The following TAF1B variants were observed in gnomAD, a reference collection of about 807,000 sequenced individuals.
TAF1B encodes TATA-box binding protein associated factor, RNA polymerase I subunit B, also known as TATA box-binding protein-associated factor RNA polymerase I subunit B.
Under a neutral mutation model 83.9 loss-of-function variants are expected in TAF1B, and 61 were observed. The ratio of observed to expected loss-of-function variants is 0.73; its 90% confidence interval spans 0.59 to 0.90. The LOEUF is 0.90. Ranked by LOEUF, TAF1B falls within the 40% of genes least tolerant of loss-of-function variation. The pLI is 0.00. For missense variants in TAF1B, 625 were observed against 677.0 expected, an observed-to-expected ratio of 0.92 and a Z score of 0.85; for synonymous variants, 221 against 224.6, an observed-to-expected ratio of 0.98 and a Z score of 0.14.
chr2:9,931,116 T>C (rs992796922), intron 14 of TAF1B, among the ~76,000 whole-genome samples: 4 of 152,330 alleles, frequency 2.6e-5, no homozygotes, highest in Admixed American at 2.6e-4. Context: ...CTTGACTCTT[T>C]ATCCAATTTG....
At chr2:9,904,409 C>T (rs1454124974) in intron 8 of TAF1B, among the ~76,000 whole-genome samples, 1 of 152,174 alleles carries the variant, frequency 6.6e-6, no homozygotes, top group Non-Finnish European at 1.5e-5. Context: ...CCTCCAGCTC[C>T]ATCCCTGTCA....
chr2:9,867,782 A>G (rs1420751883), intron 5 of TAF1B, among the ~76,000 whole-genome samples: 1 of 152,246 alleles, frequency 6.6e-6, no homozygotes, highest in African/African-American at 2.4e-5. Context: ...TATATGCTAC[A>G]GGAGTTCAAG....
At chr2:9,843,700 G>A in intron 1 of TAF1B, 141 bp downstream of exon 1, 1 of 986,412 alleles carries the variant, frequency 1.0e-6, no homozygotes, top group Non-Finnish European at 1.4e-6. Context: ...CTGCAGGGCG[G>A]GCTAAGGACT....
chr2:9,849,479 T>C lies in TAF1B; in HGVS notation c.205+19T>C, dbSNP rs1357260457. ...AATACTGGTAAGTTCTTTCTTCATA[T>C]GTACTTAACATTCTTTATTCACATC... On this transcript the variant is annotated intron_variant, in intron 3 of 14. Coordinates refer to ENST00000263663, the MANE Select transcript of TAF1B (RefSeq NM_005680.3). 19 of 1,484,660 alleles carry C rather than the reference T, an allele frequency of 1.3e-5. No individual in the cohort carries two copies. The highest frequency in any genetic ancestry group is 4.5e-6 in the Non-Finnish European group (5 of 1,105,496). 92.0% of individuals were successfully genotyped at this position (1,484,660 alleles called of 1,614,324 possible). A position where few individuals can be genotyped will look rare whatever the true frequency, so the allele number is the denominator to read the frequency against.
chr2:9,911,591 G>T (rs1383383641), intron 11 of TAF1B, 34 bp downstream of exon 11: 1 of 1,412,728 alleles, frequency 7.1e-7, no homozygotes, highest in South Asian at 1.4e-5. Flanking sequence ...AATTCAAAGT[G>T]GTTATAGATG....
chr2:9,932,592 C>G (rs1371630421), intron 14 of TAF1B, among the ~76,000 whole-genome samples: 1 of 152,184 alleles, frequency 6.6e-6, no homozygotes, highest in South Asian at 2.1e-4. Flanking sequence ...TCGGCCCTTA[C>G]TGGGAGGTGT....
chr2:9,846,053 A>G (rs1474964941), intron 2 of TAF1B: 1 of 470,866 alleles, frequency 2.1e-6, no homozygotes, highest in Admixed American at 2.4e-5. Context: ...TTACCTTTGT[A>G]TAGTACCTTA....
intron 9 of TAF1B, among the ~76,000 whole-genome samples, chr2:9,907,601 A>G (rs1429015332): frequency 1.3e-5 from 2 of 152,124 alleles, no homozygotes; most frequent in Non-Finnish European, 2.9e-5. Context: ...TTTGATGGCC[A>G]TGAATGAGCT....
At chr2:9,872,066 G>A (rs185874888) in intron 6 of TAF1B, among the ~76,000 whole-genome samples, 4 of 152,176 alleles carry the variant, frequency 2.6e-5, no homozygotes, top group East Asian at 1.9e-4. Flanking sequence ...GGTGGCTCAC[G>A]CCTGTAATCC....
chr2:9,904,836 T>C (rs755126344), intron 8 of TAF1B, 23 bp from the exon 9 acceptor site: 1 of 1,601,068 alleles, frequency 6.2e-7, no homozygotes. Flanking sequence ...ATTGCAACTA[T>C]GATGGTCTCT....
intron 7 of TAF1B, among the ~76,000 whole-genome samples, chr2:9,877,556 C>G (rs1256892335): frequency 6.6e-6 from 1 of 152,180 alleles, no homozygotes; most frequent in Non-Finnish European, 1.5e-5. Flanking sequence ...TTAACAGTCT[C>G]CCAGATGAGC....
chr2:9,881,960 G>A (rs1664520794), intron 7 of TAF1B, among the ~76,000 whole-genome samples: 1 of 152,126 alleles, frequency 6.6e-6, no homozygotes, highest in South Asian at 2.1e-4. Flanking sequence ...GAGGTAGGCT[G>A]TCACAGAAAA....
rs56125595 is a variant in TAF1B at position 9,888,790 on chromosome 2, G to GTT, written c.807+6014_807+6015dup. Among the ~76,000 whole-genome samples, 181 of 81,574 alleles carry GTT rather than the reference G, an allele frequency of 2.2e-3. 9 individuals carry two copies. The highest frequency in any genetic ancestry group is 0.011 in the African/African-American group (136 of 12,874). 53.5% of individuals were successfully genotyped at this position (81,574 alleles called of 152,430 possible). ...GTTTTCTTTATGTTTCTTCTGCTTG[G>GTT]TTTTTTTTTTTTTTTTTTTTTTTTT... On this transcript the variant is annotated intron_variant, in intron 8 of 14. Coordinates refer to ENST00000263663, the MANE Select transcript of TAF1B (RefSeq NM_005680.3).
chr2:9,857,635 A>G (rs1326487810), intron 5 of TAF1B, among the ~76,000 whole-genome samples: 1 of 150,460 alleles, frequency 6.6e-6, no homozygotes, highest in Non-Finnish European at 1.5e-5. Context: ...AAGTTTAATT[A>G]ACTCAGTTTT....
Position 9,894,296 on chromosome 2 carries a change from G to T in TAF1B, c.808-10563G>T, listed in dbSNP as rs572452338. Among the ~76,000 whole-genome samples the T allele has an allele frequency of 7.2e-4, 110 of 151,892 alleles. 1 individual carries two copies. The highest frequency in any genetic ancestry group is 2.6e-3 in the African/African-American group (106 of 41,452). On this transcript the variant is annotated intron_variant, in intron 8 of 14. Transcript: ENST00000263663. Reference sequence around the variant, plus strand: ...CTGTTGGGGAGTTTTTCTCACATAGGTAGGAAATTTCTAGACTGCTTCTGA... The same window carrying T: ...CTGTTGGGGAGTTTTTCTCACATAGTTAGGAAATTTCTAGACTGCTTCTGA...
At chr2:9,925,589 G>GT (rs70948854) in intron 14 of TAF1B, among the ~76,000 whole-genome samples, 42,078 of 147,232 alleles carry the variant, frequency 0.29, 6,761 homozygotes, top group Middle Eastern at 0.4. Flanking sequence ...TGGGGTGTTT[G>GT]TTTTTTTTTT....
intron 8 of TAF1B, among the ~76,000 whole-genome samples, chr2:9,895,311 G>T (rs371034813): frequency 1.3e-5 from 2 of 152,090 alleles, no homozygotes; most frequent in African/African-American, 2.4e-5. Flanking sequence ...ACCAGCCTGG[G>T]CAACATGGTG....
intron 8 of TAF1B, among the ~76,000 whole-genome samples, chr2:9,904,414 C>A (rs394650): frequency 0.32 from 49,147 of 152,072 alleles, 9,458 homozygotes; most frequent in Non-Finnish European, 0.44. Context: ...AGCTCCATCC[C>A]TGTCACTGCA....
chr2:9,844,725 A>G (rs764799208), intron 1 of TAF1B, among the ~76,000 whole-genome samples: 2 of 151,190 alleles, frequency 1.3e-5, no homozygotes, highest in Non-Finnish European at 1.5e-5. Context: ...TTTGCTCACC[A>G]TTGAATCCCC....
Sources: gnomAD v4.1 joint callset for allele counts (sites outside exome capture counted in the v4.1 genomes callset) on GRCh38, gnomAD v4.1.1 for gene constraint, MANE v1.5 for transcripts, NCBI Gene and HGNC (gene_info 2026-07-23, HGNC 2026-07-21) for gene names.